IL4R: variants seen among roughly 807,000 people sequenced by gnomAD.
The protein encoded by IL4R is interleukin 4 receptor, also known as interleukin-4 receptor subunit alpha.
Under a neutral mutation model 41.5 loss-of-function variants are expected in IL4R, and 17 were observed. The observed-to-expected ratio is 0.41, with a 90% CI of 0.28 to 0.61. The LOEUF (loss-of-function observed/expected upper bound fraction) is 0.61, where lower values mean the gene tolerates loss of function less well. IL4R is among the 20% of genes least tolerant of loss of function. The pLI, the probability that IL4R is intolerant of heterozygous loss-of-function variation, is 0.31. For synonymous variants in IL4R, 402 were observed against 422.9 expected (o/e 0.95, Z 0.61); for missense variants, 974 against 1,043.1 (o/e 0.93, Z 0.91).
intron 4 of IL4R, among the ~76,000 whole-genome samples, chr16:27,343,617 C>A (rs752589523): frequency 3.9e-4 from 59 of 151,928 alleles, no homozygotes; most frequent in Non-Finnish European, 6.9e-4. Context: ...TAGTAGAGAC[C>A]GGTTTTCATC....
intron 1 of IL4R, among the ~76,000 whole-genome samples, chr16:27,322,785 T>G (rs1172135989): frequency 6.6e-6 from 1 of 152,178 alleles, no homozygotes; most frequent in South Asian, 2.1e-4. Flanking sequence ...TGAATTCTAT[T>G]TTATTGATGT....
intron 2 of IL4R, among the ~76,000 whole-genome samples, chr16:27,330,581 T>C (rs1327262738): frequency 6.6e-6 from 1 of 152,066 alleles, no homozygotes; most frequent in African/African-American, 2.4e-5. Flanking sequence ...TGCGTACGCA[T>C]GTGTGGTTTA....
intron 2 of IL4R, among the ~76,000 whole-genome samples, chr16:27,338,760 G>A (rs895343221): frequency 1.3e-5 from 2 of 152,100 alleles, no homozygotes; most frequent in East Asian, 1.9e-4. Flanking sequence ...GGCATCGTCC[G>A]TGAGGAATGG....
intron 2 of IL4R, among the ~76,000 whole-genome samples, chr16:27,334,797 C>T (rs1166716417): frequency 3.3e-5 from 5 of 152,082 alleles, no homozygotes; most frequent in Non-Finnish European, 4.4e-5. Context: ...ACCTTTGAGC[C>T]GATACAGAGC....
chr16:27,347,989 T>C (rs2141160548), intron 6 of IL4R, among the ~76,000 whole-genome samples: 1 of 152,276 alleles, frequency 6.6e-6, no homozygotes, highest in Non-Finnish European at 1.5e-5. Flanking sequence ...TCCCACACAC[T>C]GGTCTGTCAT....
intron 2 of IL4R, among the ~76,000 whole-genome samples, chr16:27,337,373 C>G (rs1161979788): frequency 6.6e-6 from 1 of 152,074 alleles, no homozygotes; most frequent in Admixed American, 6.6e-5. Context: ...TGGAACCATT[C>G]CTGTGCCACA....
intron 4 of IL4R, 45 bp from the exon 5 acceptor site, chr16:27,344,824 G>T: frequency 1.2e-6 from 2 of 1,605,128 alleles, no homozygotes; most frequent in Non-Finnish European, 1.7e-6. Flanking sequence ...GTGGGGCCCA[G>T]CCAGCCTACA....
intron 1 of IL4R, among the ~76,000 whole-genome samples, chr16:27,329,283 T>C (rs2141087750): frequency 6.6e-6 from 1 of 152,266 alleles, no homozygotes; most frequent in South Asian, 2.1e-4. Context: ...CATAAGCCAA[T>C]TAAACCTCTT....
intron 1 of IL4R, among the ~76,000 whole-genome samples, chr16:27,319,676 C>T (rs148715505): frequency 6.6e-6 from 1 of 152,294 alleles, no homozygotes; most frequent in Non-Finnish European, 1.5e-5. Flanking sequence ...GGGGTCCCCA[C>T]ACAGCAGGGC....
intron 6 of IL4R, among the ~76,000 whole-genome samples, chr16:27,347,346 G>A (rs1039066194): frequency 2.6e-5 from 4 of 152,028 alleles, no homozygotes; most frequent in Non-Finnish European, 5.9e-5. Flanking sequence ...ACCTGCCACC[G>A]TGCCCAGCTA....
chr16:27,360,885 T>C, intron 10 of IL4R, 70 bp downstream of exon 10: 1 of 1,613,174 alleles, frequency 6.2e-7, no homozygotes, highest in Non-Finnish European at 8.5e-7. Context: ...GGCAAGCCCC[T>C]AGCTCCATGT....
At chr16:27,351,194 A>AC (rs2085858380) in intron 6 of IL4R, among the ~76,000 whole-genome samples, 2 of 152,104 alleles carry the variant, frequency 1.3e-5, no homozygotes, top group South Asian at 4.1e-4. Flanking sequence ...AGGCTGTTGA[A>AC]CTGAGAGCCT....
chr16:27,358,907 G>A lies in IL4R; in HGVS notation c.771-9G>A. ...TCAGAGATCAACACCTTTTCCTTTT[G>A]TTTTTCAGGATTAAGAAAGAATGGT... On this transcript the variant is annotated splice_polypyrimidine_tract_variant and intron_variant, in intron 8 of 10. Transcript: ENST00000395762. 6.2e-7 allele frequency: 1 copy of A among 1,611,490 alleles called. No individual in the cohort carries two copies. Among genetic ancestry groups the A allele is most frequent in the Non-Finnish European group, 8.5e-7 (1 of 1,177,630 alleles).
At chr16:27,356,252 C>T (rs3024640) in intron 8 of IL4R, among the ~76,000 whole-genome samples, 28 of 151,888 alleles carry the variant, frequency 1.8e-4, no homozygotes, top group Non-Finnish European at 2.1e-4. Flanking sequence ...CCACTATGCC[C>T]GGCTAATTTT....
rs1213522090 is a variant in IL4R, at chr16:27,345,899, GAGA to G, written c.362-565_362-563del. Among the ~76,000 whole-genome samples the G allele has an allele frequency of 6.6e-6, 1 of 152,232 alleles. No individual in the cohort carries two copies. The highest frequency in any genetic ancestry group is 2.4e-5 in the African/African-American group (1 of 41,454). On this transcript the variant is annotated intron_variant, in intron 5 of 10. Transcript: ENST00000395762. This position sits in a 1 kb window ranked among gnomAD's most constrained non-coding sequence, Gnocchi z 4.5. ...AGGTAGGAGAATGGCTTGAACCCAGGAGAAGGAGGTTGCAGTGAGCTTAGATCA... is the reference window on the plus strand; with the variant it reads ...AGGTAGGAGAATGGCTTGAACCCAGGAGGAGGTTGCAGTGAGCTTAGATCA...
In IL4R at chr16:27,363,185, C is replaced by T; in HGVS notation, c.1833C>T (p.Ala611=). The T allele has an allele frequency of 6.2e-7, 1 of 1,611,282 alleles. No homozygotes were observed. Among genetic ancestry groups the T allele is most frequent in the Non-Finnish European group, 8.5e-7 (1 of 1,178,376 alleles). The part of the protein sequence containing the change: ...AGYKAFSSLL[A]SSAVSPEKCG... ...ACAAGGCCTTCTCAAGCCTGCTTGC[C>T]AGCAGTGCTGTGTCCCCAGAGAAAT... The change falls in exon 11 of 11, where the codon GCC becomes GCT. Residue 611 remains alanine (A), a synonymous_variant. Coordinates refer to ENST00000395762, the MANE Select transcript of IL4R (RefSeq NM_000418.4).
intron 6 of IL4R, among the ~76,000 whole-genome samples, chr16:27,350,739 C>T (rs1297810388): frequency 2.0e-5 from 3 of 152,130 alleles, no homozygotes; most frequent in African/African-American, 7.2e-5. Flanking sequence ...AATAAAAATA[C>T]AAATGGTACA....
chr16:27,341,908 C>T (rs941162262), intron 3 of IL4R: 7 of 552,714 alleles, frequency 1.3e-5, no homozygotes, highest in African/African-American at 9.5e-5. Context: ...TAATGGCCCC[C>T]GCACCCATGG....
chr16:27,359,013 G>A lies in IL4R; in HGVS notation c.849+19G>A, dbSNP rs1165710089. The A allele has an allele frequency of 1.3e-6, 2 of 1,583,558 alleles. No individual in the cohort carries two copies. Among genetic ancestry groups the A allele is most frequent in the Admixed American group, 3.3e-5 (2 of 59,844 alleles). Reference sequence around the variant, plus strand: ...TGCTCAGGTAGGAGTAGGCGTGGATGAGGACATGTGGGACTGTGTACATGA... The same window carrying A: ...TGCTCAGGTAGGAGTAGGCGTGGATAAGGACATGTGGGACTGTGTACATGA... On this transcript the variant is annotated intron_variant, in intron 9 of 10. Transcript: ENST00000395762.
Sources: allele counts gnomAD v4.1 joint callset (sites outside exome capture counted in the v4.1 genomes callset), GRCh38; gene constraint gnomAD v4.1.1; non-coding constraint Gnocchi (gnomAD v3.1); transcripts MANE v1.5; gene names NCBI Gene and HGNC (gene_info 2026-07-23, HGNC 2026-07-21).